CCDC178: variants seen among roughly 807,000 people sequenced by gnomAD.
The protein encoded by CCDC178 is coiled-coil domain containing 178, also known as coiled-coil domain-containing protein 178.
In CCDC178, 126 loss-of-function variants were observed where a neutral mutation model predicts 117.4. The observed-to-expected ratio is 1.07, with a 90% CI of 0.93 to 1.24. The LOEUF (loss-of-function observed/expected upper bound fraction) is 1.24, where lower values mean the gene tolerates loss of function less well. Among genes scored for constraint, CCDC178 ranks in the 50% most tolerant of loss-of-function variants. The probability of loss-of-function intolerance (pLI) is 0.00; values close to 1 mark genes in which losing one functional copy is unlikely to be tolerated. For synonymous variants in CCDC178, 283 were observed against 313.4 expected (o/e 0.90, Z 1.02); for missense variants, 1,030 against 986.9 (o/e 1.04, Z -0.59).
At chr18:33,375,063 T>C (rs1476498235) in intron 5 of CCDC178, among the ~76,000 whole-genome samples, 1 of 152,148 alleles carries the variant, frequency 6.6e-6, no homozygotes, top group African/African-American at 2.4e-5. Flanking sequence ...TTGTCAAAAG[T>C]CATTCACTTA....
At chr18:33,422,412 T>A (rs1192012964) in intron 2 of CCDC178, among the ~76,000 whole-genome samples, 1 of 152,186 alleles carries the variant, frequency 6.6e-6, no homozygotes, top group Non-Finnish European at 1.5e-5. Flanking sequence ...TATGATCTTT[T>A]CCTTTACTTC....
chr18:33,406,958 C>T (rs2063789518), intron 3 of CCDC178, among the ~76,000 whole-genome samples: 1 of 152,134 alleles, frequency 6.6e-6, no homozygotes, highest in African/African-American at 2.4e-5. Flanking sequence ...CCTGAACCTA[C>T]GTGTTTACGG....
chr18:33,399,936 C>T (rs2063688620), intron 3 of CCDC178, among the ~76,000 whole-genome samples: 1 of 152,084 alleles, frequency 6.6e-6, no homozygotes, highest in South Asian at 2.1e-4. Flanking sequence ...TTATGAAATG[C>T]ATTTTTAACT....
At chr18:33,218,545 G>A (rs571420507) in intron 18 of CCDC178, among the ~76,000 whole-genome samples, 53 of 152,214 alleles carry the variant, frequency 3.5e-4, no homozygotes, top group Middle Eastern at 3.4e-3. Context: ...GTCCTGAATG[G>A]TATTGCCTAG....
chr18:33,372,590 C>A (rs2063313824), intron 5 of CCDC178, among the ~76,000 whole-genome samples: 1 of 152,080 alleles, frequency 6.6e-6, no homozygotes, highest in South Asian at 2.1e-4. Context: ...TCTAAACATG[C>A]CCCTGACTCC....
At chr18:33,270,693 G>T (rs2059876691) in intron 12 of CCDC178, among the ~76,000 whole-genome samples, 1 of 151,346 alleles carries the variant, frequency 6.6e-6, no homozygotes, top group South Asian at 2.1e-4. Context: ...TCAAATATTG[G>T]GATAAACCTG....
At chr18:32,938,248 C>A (rs371483237) in intron 22 of CCDC178, 157 bp from the exon 23 acceptor site, 4 of 579,500 alleles carry the variant, frequency 6.9e-6, no homozygotes, top group Non-Finnish European at 1.2e-5. Context: ...CAGTATAAAC[C>A]CCAAGGAAGA....
intron 4 of CCDC178, among the ~76,000 whole-genome samples, chr18:33,392,434 CAACTT>C (rs2063576208): frequency 6.6e-6 from 1 of 152,178 alleles, no homozygotes. Flanking sequence ...GATGTTCCCA[CAACTT>C]GACTGAGTCT....
chr18:33,317,195 T>C lies in CCDC178; in HGVS notation c.1022+6296A>G, dbSNP rs549674936. 2.2e-4 allele frequency among the ~76,000 whole-genome samples: 33 copies of C among 152,242 alleles called. 1 individual carries two copies. The South Asian group carries it at 6.2e-3, about 29-fold the overall frequency. ...ACTCTTTGGGTCCACACTGCCTTTA[T>C]GAGCTGTAACACTCCCTGCGAAGGT... On this transcript the variant is annotated intron_variant, in intron 11 of 22. Transcript: ENST00000383096.
At chr18:33,177,666 C>T (rs993018471) in intron 20 of CCDC178, among the ~76,000 whole-genome samples, 1 of 152,142 alleles carries the variant, frequency 6.6e-6, no homozygotes, top group African/African-American at 2.4e-5. Flanking sequence ...ACAATCTATG[C>T]TTTTGAAAGA....
At chr18:32,993,663 A>T (rs1257934141) in intron 21 of CCDC178, among the ~76,000 whole-genome samples, 1 of 152,098 alleles carries the variant, frequency 6.6e-6, no homozygotes, top group African/African-American at 2.4e-5. Flanking sequence ...GATAGGGATT[A>T]GTTTATTTCA....
chr18:33,212,174 G>C, intron 19 of CCDC178, 119 bp from the exon 20 acceptor site: 1 of 686,138 alleles, frequency 1.5e-6, no homozygotes, highest in Non-Finnish European at 2.2e-6. Context: ...GAACTGACAG[G>C]CCTTGGAAAA....
At chr18:33,212,472 C>CACAT (rs2059119945) in intron 19 of CCDC178, among the ~76,000 whole-genome samples, 1 of 151,924 alleles carries the variant, frequency 6.6e-6, no homozygotes, top group Non-Finnish European at 1.5e-5. Flanking sequence ...ATGTGACTTA[C>CACAT]ACATCATGCT....
intron 14 of CCDC178, among the ~76,000 whole-genome samples, chr18:33,253,334 A>G (rs2059638462): frequency 6.6e-6 from 1 of 151,840 alleles, no homozygotes; most frequent in Non-Finnish European, 1.5e-5. Flanking sequence ...TAATTTATTT[A>G]AACAGTGTAA....
intron 21 of CCDC178, among the ~76,000 whole-genome samples, chr18:33,080,346 C>A (rs1038131068): frequency 1.2e-4 from 19 of 152,206 alleles, no homozygotes; most frequent in African/African-American, 3.4e-4. Context: ...ACAAAATAAT[C>A]TGTACACCAA....
In CCDC178 at chr18:33,290,456, T is replaced by C. The variant is rs539549658; in HGVS notation, c.1176+2703A>G. Among the ~76,000 whole-genome samples, 6 of 152,286 alleles carry C rather than the reference T, an allele frequency of 3.9e-5. No homozygotes were observed. In the East Asian group the frequency reaches 1.2e-3, roughly 29 times the overall value. Reference sequence around the variant, plus strand: ...TCCAAGAATATTGATTAAGGTTCAATTTGGGAAAACAACTCAAATAAACAG... The same window carrying C: ...TCCAAGAATATTGATTAAGGTTCAACTTGGGAAAACAACTCAAATAAACAG... On this transcript the variant is annotated intron_variant, in intron 12 of 22. Transcript: ENST00000383096.
chr18:33,039,504 G>A (rs1361481900), intron 21 of CCDC178, among the ~76,000 whole-genome samples: 1 of 151,952 alleles, frequency 6.6e-6, no homozygotes, highest in Non-Finnish European at 1.5e-5. Flanking sequence ...GTGGCTACAG[G>A]GAAGCCTGCA....
chr18:33,330,106 T>C (rs2062644857), intron 10 of CCDC178, among the ~76,000 whole-genome samples: 1 of 152,038 alleles, frequency 6.6e-6, no homozygotes. Flanking sequence ...TATCTCAATG[T>C]ATGTATTTTT....
intron 21 of CCDC178, chr18:32,983,468 T>C (rs770204032): frequency 1.4e-4 from 84 of 594,824 alleles, no homozygotes; most frequent in Non-Finnish European, 2.3e-4. Flanking sequence ...CTAAGATTTA[T>C]TCACATTTGA....
Sources: allele counts gnomAD v4.1 joint callset (sites outside exome capture counted in the v4.1 genomes callset), GRCh38; gene constraint gnomAD v4.1.1; transcripts MANE v1.5; gene names NCBI Gene and HGNC (gene_info 2026-07-23, HGNC 2026-07-21).